The following PNPLA3 variants were observed in gnomAD, a reference collection of about 807,000 sequenced individuals.
The protein encoded by PNPLA3 is patatin like domain 3, 1-acylglycerol-3-phosphate O-acyltransferase, also known as 1-acylglycerol-3-phosphate O-acyltransferase PNPLA3.
A neutral mutation model predicts 43.1 loss-of-function variants in PNPLA3; 42 were observed. The observed-to-expected ratio is 0.97, with a 90% CI of 0.76 to 1.26. The LOEUF (loss-of-function observed/expected upper bound fraction) is 1.26. PNPLA3 is among the 50% of genes most tolerant of loss of function. PNPLA3 has a pLI of 0.00. For synonymous variants in PNPLA3, 272 were observed against 253.6 expected (o/e 1.07, Z -0.69); for missense variants, 647 against 621.4 (o/e 1.04, Z -0.44).
At chr22:43,924,793 G>A (rs181576937) in intron 1 of PNPLA3, among the ~76,000 whole-genome samples, 321 of 152,086 alleles carry the variant, frequency 2.1e-3, no homozygotes, top group Middle Eastern at 0.01. Context: ...GACTACAGGC[G>A]CCAGCCACCA....
intron 4 of PNPLA3, among the ~76,000 whole-genome samples, chr22:43,933,766 C>G (rs1194229855): frequency 1.3e-5 from 2 of 152,194 alleles, no homozygotes; most frequent in African/African-American, 2.4e-5. Flanking sequence ...TATGCCTTAC[C>G]ACTCTACCAT....
intron 6 of PNPLA3, among the ~76,000 whole-genome samples, chr22:43,938,830 G>A (rs1334408532): frequency 6.6e-6 from 1 of 152,252 alleles, no homozygotes; most frequent in Non-Finnish European, 1.5e-5. Flanking sequence ...CTGGAATCCA[G>A]CAGAGGGTCA....
chr22:43,933,233 C>A, intron 4 of PNPLA3, 146 bp downstream of exon 4: 1 of 763,610 alleles, frequency 1.3e-6, no homozygotes. Context: ...GCGCTTGTCC[C>A]AGAAGCTCAG....
chr22:43,941,115 C>T lies in PNPLA3; in HGVS notation c.1112+990C>T, dbSNP rs2050027897. ...AGTGAGCCGAGATCATGCCACTGCA[C>T]TCTAGCCTGGGCTACAGAGCGAAAC... On this transcript the variant is annotated intron_variant, in intron 7 of 8. Transcript: ENST00000216180. Among the ~76,000 whole-genome samples the T allele has an allele frequency of 2.3e-5, 3 of 132,468 alleles. No homozygotes were observed. In the South Asian group the frequency reaches 7.3e-4, roughly 32 times the overall value. 86.9% of individuals were successfully genotyped at this position (132,468 alleles called of 152,430 possible).
intron 7 of PNPLA3, among the ~76,000 whole-genome samples, chr22:43,941,010 A>G (rs1301180004): frequency 6.6e-6 from 1 of 151,700 alleles, no homozygotes; most frequent in Non-Finnish European, 1.5e-5. Context: ...ATGGTGGTGC[A>G]TGCCTGTAAT....
chr22:43,930,161 C>T (rs552177474), intron 3 of PNPLA3, among the ~76,000 whole-genome samples: 1 of 152,258 alleles, frequency 6.6e-6, no homozygotes, highest in East Asian at 1.9e-4. Flanking sequence ...TGTGCGTTAT[C>T]TTATAGGGTC....
rs1381635405 is a variant in PNPLA3 at position 43,932,888 on chromosome 22, A to T, written c.497A>T (p.Asp166Val). 2.5e-6 allele frequency: 4 copies of T among 1,613,980 alleles called. No individual in the cohort carries two copies. Among genetic ancestry groups the T allele is most frequent in the Admixed American group, 1.7e-5 (1 of 60,012 alleles). Residue 166 changes from aspartate to valine, a missense_variant, in exon 4 of 9, where the codon GAT becomes GTT. Asp to Val is a radical substitution (Grantham distance 152). Coordinates refer to ENST00000216180, the MANE Select transcript of PNPLA3 (RefSeq NM_025225.3). ...CCCCTTCTTTAAAAGCGATATGTGGATGGAGGAGTGAGTGACAACGTACCC... is the reference window on the plus strand; with the variant it reads ...CCCCTTCTTTAAAAGCGATATGTGGTTGGAGGAGTGAGTGACAACGTACCC... The part of the protein sequence containing the change: ...PPSFRGVRYV[D>V]GGVSDNVPFI...
intron 3 of PNPLA3, among the ~76,000 whole-genome samples, chr22:43,931,629 C>A (rs1267280175): frequency 6.6e-6 from 1 of 152,186 alleles, no homozygotes; most frequent in African/African-American, 2.4e-5. Context: ...GATTCTCCTG[C>A]CTCAGCCTCC....
At chr22:43,939,488 C>A in intron 6 of PNPLA3, 1 of 884,138 alleles carries the variant, frequency 1.1e-6, no homozygotes, top group Non-Finnish European at 1.4e-6. Flanking sequence ...GGCTGTGCTC[C>A]CCGCTTCAGC....
rs764448209 is a variant in PNPLA3, at chr22:43,924,090, TC to T, written c.182del (p.Pro61ArgfsTer30). ...ALHCVGVLSG[I>X]PLEQTLQVLS... ...CACTGCGTCGGCGTCCTCTCCGGTA[TC>T]CCGCTGGGTGCGTCTGGGGACGCTG... On this transcript the variant is annotated frameshift_variant, in exon 1 of 9. Coordinates refer to ENST00000216180, the MANE Select transcript of PNPLA3 (RefSeq NM_025225.3). LOFTEE classifies it high-confidence loss of function. 1 of 1,556,948 alleles carries T rather than the reference TC, an allele frequency of 6.4e-7. No individual in the cohort carries two copies. The highest frequency in any genetic ancestry group is 8.6e-7 in the Non-Finnish European group (1 of 1,161,504).
Position 43,923,815 on chromosome 22 carries a change from T to C in PNPLA3, c.-97T>C. 3 of 1,252,528 alleles carry C rather than the reference T, an allele frequency of 2.4e-6. No individual in the cohort carries two copies. Among genetic ancestry groups the C allele is most frequent in the Non-Finnish European group, 3.1e-6 (3 of 955,354 alleles). 77.6% of individuals were successfully genotyped at this position (1,252,528 alleles called of 1,614,324 possible). A position where few individuals can be genotyped will look rare whatever the true frequency, so the allele number is the denominator to read the frequency against. On this transcript the variant is annotated 5_prime_UTR_variant, in exon 1 of 9. Coordinates refer to ENST00000216180, the MANE Select transcript of PNPLA3 (RefSeq NM_025225.3). ...ACACTGAGGCAGGGTAGAGAGCGCT[T>C]GCGGGCGCCGGGCGGAGCTGCTGCG...
At chr22:43,937,545 A>G (rs1156287302) in intron 6 of PNPLA3, among the ~76,000 whole-genome samples, 1 of 152,098 alleles carries the variant, frequency 6.6e-6, no homozygotes, top group African/African-American at 2.4e-5. Context: ...GGGGTTCCCC[A>G]TATAGGCTCC....
chr22:43,934,337 GAAAAGT>G (rs2049981144), intron 4 of PNPLA3, among the ~76,000 whole-genome samples: 1 of 130,964 alleles, frequency 7.6e-6, no homozygotes. Context: ...AAAAAAAAAA[GAAAAGT>G]AAAAGGAAAA....
chr22:43,938,641 C>T lies in PNPLA3; in HGVS notation c.980-1352C>T, dbSNP rs570902392. Among the ~76,000 whole-genome samples, 8 of 152,344 alleles carry T rather than the reference C, an allele frequency of 5.3e-5. No homozygotes were observed. In the East Asian group the frequency reaches 1.2e-3, roughly 22 times the overall value. ...AGAGAACAGCACCAGTGGGGAAATC[C>T]GCCCCCATGATCCAATCACCTCCCA... is the stretch of plus-strand genomic sequence containing the variant. On this transcript the variant is annotated intron_variant, in intron 6 of 8. Coordinates refer to ENST00000216180, the MANE Select transcript of PNPLA3 (RefSeq NM_025225.3).
intron 8 of PNPLA3, 89 bp from the exon 9 acceptor site, chr22:43,946,065 C>T: frequency 2.4e-6 from 3 of 1,231,998 alleles, no homozygotes; most frequent in South Asian, 1.3e-5. Context: ...GTGCCCTCTA[C>T]TGGCCGGCAA....
In PNPLA3 at chr22:43,946,427, A is replaced by C. The variant is rs1325693953; in HGVS notation, c.*45A>C. Reference sequence around the variant, plus strand: ...CTAGCAGATTCTTTCAGAGGTGCTAAAGTTTCCCATCTTTGTGCAGCTACC... The same window carrying C: ...CTAGCAGATTCTTTCAGAGGTGCTACAGTTTCCCATCTTTGTGCAGCTACC... On this transcript the variant is annotated 3_prime_UTR_variant, in exon 9 of 9. Transcript: ENST00000216180. 7.7e-6 allele frequency: 12 copies of C among 1,564,736 alleles called. No homozygotes were observed. Among genetic ancestry groups the C allele is most frequent in the Non-Finnish European group, 1.1e-5 (12 of 1,135,616 alleles).
intron 3 of PNPLA3, 48 bp downstream of exon 3, chr22:43,928,937 T>A (rs1280256637): frequency 1.3e-6 from 2 of 1,538,800 alleles, no homozygotes; most frequent in Non-Finnish European, 1.8e-6. Flanking sequence ...GCCTCTGAAG[T>A]GTGCTCACAC....
intron 5 of PNPLA3, among the ~76,000 whole-genome samples, chr22:43,936,294 A>G (rs2049994935): frequency 6.6e-6 from 1 of 152,122 alleles, no homozygotes; most frequent in African/African-American, 2.4e-5. Context: ...GCAAGCATGA[A>G]TGTGAGGTTA....
At chr22:43,942,842 G>A (rs1418463048) in intron 7 of PNPLA3, among the ~76,000 whole-genome samples, 1 of 151,322 alleles carries the variant, frequency 6.6e-6, no homozygotes, top group Non-Finnish European at 1.5e-5. Flanking sequence ...AGCTGGGACT[G>A]CAAGCACACA....
Sources: gnomAD v4.1 joint callset for allele counts (sites outside exome capture counted in the v4.1 genomes callset) on GRCh38, gnomAD v4.1.1 for gene constraint, MANE v1.5 for transcripts, NCBI Gene and HGNC (gene_info 2026-07-23, HGNC 2026-07-21) for gene names.